RAB27B: variants seen among roughly 807,000 people sequenced by gnomAD.
The protein encoded by RAB27B is RAB27B, member RAS oncogene family, also known as ras-related protein Rab-27B.
Under a neutral mutation model 24.6 loss-of-function variants are expected in RAB27B, and 15 were observed. The ratio of observed to expected loss-of-function variants is 0.61; its 90% CI spans 0.41 to 0.94. RAB27B has a LOEUF of 0.94. RAB27B is among the 40% of genes least tolerant of loss of function. The probability of loss-of-function intolerance (pLI) is 0.00; values close to 1 mark genes in which losing one functional copy is unlikely to be tolerated. For missense variants in RAB27B, 261 were observed against 266.8 expected, an observed-to-expected ratio of 0.98 and a Z score of 0.15; for synonymous variants, 105 against 92.5, an observed-to-expected ratio of 1.14 and a Z score of -0.78.
chr18:54,848,753 A>G (rs1441170419), intron 1 of RAB27B, among the ~76,000 whole-genome samples: 1 of 152,188 alleles, frequency 6.6e-6, no homozygotes, highest in Non-Finnish European at 1.5e-5. Flanking sequence ...CCATAAAAAG[A>G]TTTCATGGTA....
rs568625108 is a variant in RAB27B, at chr18:54,821,210, G to A, written c.-19-56357G>A. 2.0e-5 allele frequency among the ~76,000 whole-genome samples: 3 copies of A among 152,246 alleles called. No homozygotes were observed. In the East Asian group the frequency reaches 5.8e-4, roughly 29 times the overall value. On this transcript the variant is annotated intron_variant, in intron 2 of 4. Transcript: ENST00000586570. ...AATTCTCAGGATACAAAATCAATGT[G>A]CAAAAATAACAAGCATTCTTATACA...
chr18:54,748,382 A>G (rs558008524), intron 2 of RAB27B, among the ~76,000 whole-genome samples: 16 of 152,300 alleles, frequency 1.1e-4, no homozygotes, highest in African/African-American at 3.8e-4. Flanking sequence ...GGGATTCACT[A>G]TGATATATGT....
chr18:54,824,092 T>C (rs2311121), upstream of RAB27B, among the ~76,000 whole-genome samples: 145,015 of 152,230 alleles, frequency 0.95, 69,509 homozygotes, highest in East Asian at 1. Context: ...AGCTGTCTTC[T>C]CTGCACATAT....
chr18:54,813,692 T>C (rs994982033), intron 2 of RAB27B, among the ~76,000 whole-genome samples: 1 of 152,216 alleles, frequency 6.6e-6, no homozygotes, highest in Non-Finnish European at 1.5e-5. Flanking sequence ...TAAACCTGTT[T>C]ATAAATTACC....
chr18:54,776,727 C>T (rs1908726322), intron 2 of RAB27B, among the ~76,000 whole-genome samples: 1 of 152,184 alleles, frequency 6.6e-6, no homozygotes, highest in African/African-American at 2.4e-5. Flanking sequence ...AGACTATCTC[C>T]AGCACCATGT....
intron 1 of RAB27B, 137 bp downstream of exon 1, chr18:54,828,837 C>G (rs1463469428): frequency 6.6e-6 from 1 of 152,470 alleles, no homozygotes; most frequent in Non-Finnish European, 1.5e-5. Context: ...CACCTTCGAT[C>G]GCGGTTTCCA....
At chr18:54,858,165 C>G (rs368744565) in intron 1 of RAB27B, among the ~76,000 whole-genome samples, 2 of 152,266 alleles carry the variant, frequency 1.3e-5, no homozygotes, top group South Asian at 2.1e-4. Context: ...CTAACATTCT[C>G]CTAAAATATA....
intron 2 of RAB27B, among the ~76,000 whole-genome samples, chr18:54,741,244 G>A (rs1306163384): frequency 3.3e-5 from 5 of 151,974 alleles, no homozygotes; most frequent in South Asian, 4.1e-4. Context: ...ACATTCCTCC[G>A]CCCATCCCAC....
intron 2 of RAB27B, among the ~76,000 whole-genome samples, chr18:54,788,865 C>T (rs1909168727): frequency 6.6e-6 from 1 of 152,172 alleles, no homozygotes; most frequent in Non-Finnish European, 1.5e-5. Flanking sequence ...GTCAGTATCT[C>T]ACCCCTTTGC....
At chr18:54,728,111 A>G (rs915004411) in intron 2 of RAB27B, among the ~76,000 whole-genome samples, 1 of 152,322 alleles carries the variant, frequency 6.6e-6, no homozygotes, top group South Asian at 2.1e-4. Context: ...TATTTTGTAT[A>G]TACCAACAGG....
At chr18:54,772,854 A>G (rs932551537) in intron 2 of RAB27B, among the ~76,000 whole-genome samples, 1 of 152,128 alleles carries the variant, frequency 6.6e-6, no homozygotes, top group Admixed American at 6.5e-5. Flanking sequence ...GCTGTCCTTC[A>G]TGGTTTCATC....
intron 2 of RAB27B, among the ~76,000 whole-genome samples, chr18:54,791,024 A>G (rs754052126): frequency 2.0e-5 from 3 of 152,218 alleles, no homozygotes; most frequent in Non-Finnish European, 4.4e-5. Flanking sequence ...GCAATTTTAA[A>G]AGTAGAATTT....
intron 1 of RAB27B, among the ~76,000 whole-genome samples, chr18:54,832,217 C>T (rs12456067): frequency 0.23 from 34,808 of 151,904 alleles, 4,234 homozygotes; most frequent in East Asian, 0.39. Flanking sequence ...ACAGTGGCCA[C>T]CAAGAGAAGT....
rs182248552 is a variant in RAB27B, at chr18:54,855,372, T to C, written c.-19-22195T>C. 4.6e-5 allele frequency among the ~76,000 whole-genome samples: 7 copies of C among 152,226 alleles called. No individual in the cohort carries two copies. The East Asian group carries it at 5.8e-4, about 13-fold the overall frequency. On this transcript the variant is annotated intron_variant, in intron 1 of 5. Coordinates refer to ENST00000262094, the MANE Select transcript of RAB27B (RefSeq NM_004163.4). Reference sequence around the variant, plus strand: ...ATGCCAAGGGTCCATGGCATGAGGGTTGGGGACCCCTGATTTAACATGATT... The same window carrying C: ...ATGCCAAGGGTCCATGGCATGAGGGCTGGGGACCCCTGATTTAACATGATT...
At chr18:54,749,070 A>T (rs1200744804) in intron 2 of RAB27B, among the ~76,000 whole-genome samples, 1 of 152,128 alleles carries the variant, frequency 6.6e-6, no homozygotes, top group Non-Finnish European at 1.5e-5. Context: ...AGGTGAAAAG[A>T]CTGTCTGGGC....
intron 4 of RAB27B, 140 bp downstream of exon 4, chr18:54,884,576 G>C (rs1420143844): frequency 5.3e-6 from 3 of 568,966 alleles, no homozygotes; most frequent in Non-Finnish European, 9.4e-6. Flanking sequence ...CTGTGCCACT[G>C]TGTCACCTTC....
At chr18:54,852,703 A>T (rs935929349) in intron 1 of RAB27B, among the ~76,000 whole-genome samples, 3 of 152,208 alleles carry the variant, frequency 2.0e-5, no homozygotes, top group African/African-American at 7.2e-5. Context: ...ATATAATTAT[A>T]AGTTGTGATT....
chr18:54,816,127 T>A (rs1270551852), intron 2 of RAB27B, among the ~76,000 whole-genome samples: 1 of 152,216 alleles, frequency 6.6e-6, no homozygotes, highest in Non-Finnish European at 1.5e-5. Context: ...GAGTAGCAAG[T>A]CTTTCTGGAG....
At chr18:54,796,538 C>T (rs1386963271) in intron 2 of RAB27B, among the ~76,000 whole-genome samples, 1 of 152,092 alleles carries the variant, frequency 6.6e-6, no homozygotes. Flanking sequence ...GGTGGTCTTC[C>T]CCTGGAGTCA....
Sources: allele counts gnomAD v4.1 joint callset (sites outside exome capture counted in the v4.1 genomes callset), GRCh38; gene constraint gnomAD v4.1.1; transcripts MANE v1.5; gene names NCBI Gene and HGNC (gene_info 2026-07-23, HGNC 2026-07-21).